The following VPS13B variants were observed in gnomAD, a reference collection of about 807,000 sequenced individuals.
VPS13B encodes intermembrane lipid transfer protein VPS13B.
In VPS13B, 285 loss-of-function variants were observed where a neutral mutation model predicts 426.4. The observed-to-expected ratio is 0.67, with a 90% CI of 0.61 to 0.74. VPS13B has a LOEUF of 0.74. Ranked by LOEUF, VPS13B falls within the 30% of genes least tolerant of loss-of-function variation. The pLI, the probability that VPS13B is intolerant of heterozygous loss-of-function variation, is 0.00. For missense variants in VPS13B, 4,537 were observed against 4,782.6 expected (o/e 0.95, Z 1.51); for synonymous variants, 1,676 against 1,676.4 (o/e 1.00, Z 0.01).
chr8:99,428,384 C>T (rs1270652300), intron 21 of VPS13B, among the ~76,000 whole-genome samples: 1 of 152,080 alleles, frequency 6.6e-6, no homozygotes, highest in Non-Finnish European at 1.5e-5. Context: ...TTGCAATCTA[C>T]CCATCTGACA....
chr8:99,810,392 G>A (rs928993978), intron 44 of VPS13B, among the ~76,000 whole-genome samples: 18 of 152,204 alleles, frequency 1.2e-4, no homozygotes, highest in Non-Finnish European at 2.4e-4. Context: ...CCCTGGAAAA[G>A]GGGAGCTTCC....
At chr8:99,808,061 G>T (rs1813494036) in intron 43 of VPS13B, among the ~76,000 whole-genome samples, 1 of 150,886 alleles carries the variant, frequency 6.6e-6, no homozygotes, top group Non-Finnish European at 1.5e-5. Flanking sequence ...TTTATTATTA[G>T]GGCCTTTTAT....
chr8:99,609,884 A>G (rs1019715113), intron 33 of VPS13B, among the ~76,000 whole-genome samples: 2 of 152,224 alleles, frequency 1.3e-5, no homozygotes, highest in African/African-American at 4.8e-5. Context: ...CTCTTGCACC[A>G]TCAGTGCACA....
chr8:99,743,867 A>G (rs1158323954), intron 39 of VPS13B, among the ~76,000 whole-genome samples: 1 of 152,244 alleles, frequency 6.6e-6, no homozygotes, highest in Non-Finnish European at 1.5e-5. Context: ...TAAAACCATA[A>G]AAACCCAGAA....
chr8:99,618,083 G>A (rs779244534), intron 33 of VPS13B, among the ~76,000 whole-genome samples: 1 of 152,048 alleles, frequency 6.6e-6, no homozygotes, highest in Non-Finnish European at 1.5e-5. Context: ...AGTTTGCTCC[G>A]TCAGTACCAT....
intron 14 of VPS13B, among the ~76,000 whole-genome samples, chr8:99,152,848 C>CT (rs1166605372): frequency 6.6e-6 from 1 of 152,120 alleles, no homozygotes; most frequent in Non-Finnish European, 1.5e-5. Context: ...ATGTATTTCT[C>CT]TATTTTCTTT....
At chr8:99,721,105 A>G (rs2130344432) in intron 39 of VPS13B, 58 bp downstream of exon 39, 1 of 1,559,312 alleles carries the variant, frequency 6.4e-7, no homozygotes, top group Non-Finnish European at 8.8e-7. Flanking sequence ...CTGATCATAT[A>G]TTAGGAAAAA....
chr8:99,715,708 GGAT>G (rs1384382870), intron 36 of VPS13B, among the ~76,000 whole-genome samples: 3 of 152,124 alleles, frequency 2.0e-5, no homozygotes, highest in Non-Finnish European at 4.4e-5. Flanking sequence ...TGAAAATAAA[GGAT>G]GATGCAATCC....
At chr8:99,549,808 A>G (rs117860682) in intron 30 of VPS13B, among the ~76,000 whole-genome samples, 2,601 of 152,164 alleles carry the variant, frequency 0.017, 51 homozygotes, top group Non-Finnish European at 0.023. Context: ...TAGATGTGCT[A>G]CTGCCTCACA....
At chr8:99,581,315 G>A (rs1255397085) in intron 33 of VPS13B, among the ~76,000 whole-genome samples, 2 of 152,232 alleles carry the variant, frequency 1.3e-5, no homozygotes, top group African/African-American at 4.8e-5. Context: ...GAGGATTCTT[G>A]CCAGAACCAA....
intron 5 of VPS13B, 87 bp downstream of exon 5, chr8:99,103,207 G>T: frequency 1.4e-6 from 2 of 1,462,708 alleles, no homozygotes; most frequent in South Asian, 2.3e-5. Flanking sequence ...CAACTGAGTT[G>T]CTGGTAAATG....
chr8:99,222,162 T>C (rs1240017251), intron 17 of VPS13B, among the ~76,000 whole-genome samples: 3 of 152,136 alleles, frequency 2.0e-5, no homozygotes, highest in African/African-American at 7.2e-5. Flanking sequence ...GTACCAAATA[T>C]GTTTTTATCA....
intron 16 of VPS13B, among the ~76,000 whole-genome samples, chr8:99,170,931 C>G (rs762648151): frequency 9.2e-5 from 14 of 151,364 alleles, no homozygotes; most frequent in Non-Finnish European, 1.3e-4. Flanking sequence ...TAGTTTTTTA[C>G]TAAAAATGAC....
intron 45 of VPS13B, 144 bp downstream of exon 45, chr8:99,817,947 C>T: frequency 8.1e-7 from 1 of 1,240,236 alleles, no homozygotes; most frequent in Middle Eastern, 2.1e-4. Flanking sequence ...ACTTCTCAAA[C>T]TGTTTCCTCC....
rs921200725 is a variant in VPS13B, at chr8:99,778,867, A to G, written c.7615A>G (p.Met2539Val). The change falls in exon 42 of 62, where the codon ATG (methionine) becomes GTG (valine). Residue 2539 changes from methionine (M) to valine (V), a missense_variant. Physicochemically the swap from Met to Val is conservative, Grantham distance 21. Transcript: ENST00000357162. The part of the protein sequence containing the change: ...CKLLECRNVT[M>V]QSVVKPFSIF... ...ACTTCTAGAGTGCAGAAATGTCACT[A>G]TGCAAAGTGTGGTGAAACCCTTCAG... 2 of 1,613,926 alleles carry G rather than the reference A, an allele frequency of 1.2e-6. No homozygotes were observed. The highest frequency in any genetic ancestry group is 8.5e-7 in the Non-Finnish European group (1 of 1,179,946).
At chr8:99,370,719 C>A (rs750866872) in intron 19 of VPS13B, among the ~76,000 whole-genome samples, 35 of 150,016 alleles carry the variant, frequency 2.3e-4, no homozygotes, top group Admixed American at 6.0e-4. Context: ...AAGTGATACT[C>A]CTGCCTCAGC....
chr8:99,389,900 AC>A (rs928202631), intron 20 of VPS13B, among the ~76,000 whole-genome samples: 1 of 151,568 alleles, frequency 6.6e-6, no homozygotes, highest in African/African-American at 2.4e-5. Flanking sequence ...TTTCTAGTCC[AC>A]CCCCCCTCCT....
chr8:99,123,825 A>G (rs1195843297), intron 8 of VPS13B, among the ~76,000 whole-genome samples: 1 of 152,154 alleles, frequency 6.6e-6, no homozygotes, highest in African/African-American at 2.4e-5. Context: ...TTTTGAGATG[A>G]CTGGGATTGG....
At chr8:99,213,342 TAATC>T (rs1197856954) in intron 17 of VPS13B, among the ~76,000 whole-genome samples, 1 of 152,170 alleles carries the variant, frequency 6.6e-6, no homozygotes. Context: ...TTAGTTTTAA[TAATC>T]AAATATAACA....
Sources: gnomAD v4.1 joint callset for allele counts (sites outside exome capture counted in the v4.1 genomes callset) on GRCh38, gnomAD v4.1.1 for gene constraint, MANE v1.5 for transcripts, NCBI Gene and HGNC (gene_info 2026-07-23, HGNC 2026-07-21) for gene names.